SOX6: variants seen among roughly 807,000 people sequenced by gnomAD.
SOX6 encodes the protein transcription factor SOX-6.
SOX6 carries 11 observed loss-of-function variants against 97.8 expected under a neutral mutation model. The ratio of observed to expected loss-of-function variants is 0.11; its 90% confidence interval spans 0.07 to 0.19. The LOEUF is 0.19. SOX6 is among the 10% of genes least tolerant of loss of function. The pLI, the probability that SOX6 is intolerant of heterozygous loss-of-function variation, is 1.00. For synonymous variants in SOX6, 360 were observed against 371.4 expected (o/e 0.97, Z 0.35); for missense variants, 810 against 1,039.5 (o/e 0.78, Z 3.04).
chr11:16,399,266 A>G (rs1858474492), intron 1 of SOX6, among the ~76,000 whole-genome samples: 2 of 151,430 alleles, frequency 1.3e-5, no homozygotes, highest in Non-Finnish European at 3.0e-5. Flanking sequence ...CTGTAGCTAT[A>G]TAAATTGCTA....
intron 1 of SOX6, among the ~76,000 whole-genome samples, chr11:16,447,336 G>T (rs1429759057): frequency 1.3e-5 from 2 of 152,136 alleles, no homozygotes; most frequent in Non-Finnish European, 2.9e-5. Context: ...AAAAGTTTGT[G>T]CTACCACTCT....
chr11:16,629,649 G>A (rs1039059464), intron 3 of SOX6, among the ~76,000 whole-genome samples: 1 of 151,902 alleles, frequency 6.6e-6, no homozygotes, highest in Non-Finnish European at 1.5e-5. Context: ...CCATTTTTGG[G>A]GATAGTTTTA....
chr11:16,632,209 C>A (rs1848716978), intron 3 of SOX6, among the ~76,000 whole-genome samples: 1 of 152,164 alleles, frequency 6.6e-6, no homozygotes. Context: ...ACTGACACTT[C>A]TAATTTTTGT....
intron 6 of SOX6, among the ~76,000 whole-genome samples, chr11:16,173,615 T>TG (rs1425081531): frequency 1.3e-5 from 2 of 150,514 alleles, no homozygotes; most frequent in African/African-American, 4.9e-5. Flanking sequence ...AGTGTTTGTT[T>TG]TTTTTAAAGA....
At chr11:16,292,747 C>T (rs998384676) in intron 3 of SOX6, among the ~76,000 whole-genome samples, 1 of 152,184 alleles carries the variant, frequency 6.6e-6, no homozygotes, top group African/African-American at 2.4e-5. Flanking sequence ...CCGACAAGGT[C>T]ATCGCTAAGA....
At chr11:16,641,973 C>T (rs375734307) in intron 3 of SOX6, among the ~76,000 whole-genome samples, 198 of 144,034 alleles carry the variant, frequency 1.4e-3, no homozygotes, top group African/African-American at 1.8e-3. Flanking sequence ...TTATTTTGCT[C>T]GTTAGTTGAT....
chr11:16,468,914 C>T (rs1288145415), intron 1 of SOX6, among the ~76,000 whole-genome samples: 1 of 152,086 alleles, frequency 6.6e-6, no homozygotes, highest in Non-Finnish European at 1.5e-5. Flanking sequence ...GACACACCAA[C>T]TTATTTTGAA....
intron 3 of SOX6, among the ~76,000 whole-genome samples, chr11:16,675,435 G>C (rs932522038): frequency 6.6e-6 from 1 of 152,186 alleles, no homozygotes; most frequent in African/African-American, 2.4e-5. Flanking sequence ...ACAGTCATGA[G>C]CCACCACATC....
intron 1 of SOX6, among the ~76,000 whole-genome samples, chr11:16,375,575 T>G (rs1038451413): frequency 6.6e-6 from 1 of 152,040 alleles, no homozygotes; most frequent in Non-Finnish European, 1.5e-5. Context: ...CATATTTCTG[T>G]GGTGAATATT....
At chr11:16,099,749 T>C (rs1848894997) in intron 7 of SOX6, among the ~76,000 whole-genome samples, 1 of 151,412 alleles carries the variant, frequency 6.6e-6, no homozygotes, top group African/African-American at 2.4e-5. Context: ...CCAGTTAATT[T>C]ATTACTATCT....
chr11:16,360,328 C>G (rs1857178926), upstream of SOX6, among the ~76,000 whole-genome samples: 1 of 152,244 alleles, frequency 6.6e-6, no homozygotes, highest in East Asian at 1.9e-4. Flanking sequence ...GAACTCTTCC[C>G]CATCTCTACA....
intron 1 of SOX6, among the ~76,000 whole-genome samples, chr11:16,390,690 C>A (rs1473943523): frequency 6.6e-6 from 1 of 152,020 alleles, no homozygotes; most frequent in Non-Finnish European, 1.5e-5. Flanking sequence ...TGACTGGAAA[C>A]AACAGATGCT....
intron 4 of SOX6, among the ~76,000 whole-genome samples, chr11:16,547,066 C>G (rs577544096): frequency 6.6e-6 from 1 of 152,268 alleles, no homozygotes; most frequent in East Asian, 1.9e-4. Flanking sequence ...AATGAGATAT[C>G]ATCTTGCCCC....
chr11:16,027,981 G>A (rs774347615), intron 12 of SOX6, among the ~76,000 whole-genome samples: 2 of 152,226 alleles, frequency 1.3e-5, no homozygotes, highest in Non-Finnish European at 2.9e-5. Context: ...AATACTGCAA[G>A]CAGTTATAGA....
At chr11:16,104,068 T>C (rs1013588083) in intron 7 of SOX6, among the ~76,000 whole-genome samples, 2 of 151,954 alleles carry the variant, frequency 1.3e-5, no homozygotes, top group African/African-American at 4.8e-5. Context: ...ATAGCCTCCA[T>C]CTACAGAGGA....
chr11:16,442,848 A>G (rs1859531686), intron 1 of SOX6, among the ~76,000 whole-genome samples: 1 of 152,194 alleles, frequency 6.6e-6, no homozygotes, highest in Non-Finnish European at 1.5e-5. Context: ...GATTATAATA[A>G]AACAGGTAAT....
intron 2 of SOX6, among the ~76,000 whole-genome samples, chr11:16,728,093 G>A (rs568739179): frequency 6.6e-6 from 1 of 152,228 alleles, no homozygotes; most frequent in Admixed American, 6.5e-5. Context: ...CCCAGTGAGG[G>A]GCTTATAGAT....
At chr11:16,406,281 T>C (rs2133049860) in intron 1 of SOX6, among the ~76,000 whole-genome samples, 1 of 152,172 alleles carries the variant, frequency 6.6e-6, no homozygotes, top group Middle Eastern at 3.4e-3. Context: ...AAAAGGAGGA[T>C]TATTTGAGGT....
Position 16,407,541 on chromosome 11 carries a change from T to TTACC in SOX6, c.-4-66293_-4-66290dup, listed in dbSNP as rs1207984276. Among the ~76,000 whole-genome samples, 4 of 152,284 alleles carry TTACC rather than the reference T, an allele frequency of 2.6e-5. No homozygotes were observed. The East Asian group carries it at 7.7e-4, about 29-fold the overall frequency. ...GCTTTAGGGATATATCTCAAGCCAG[T>TTACC]TACCAGTCTTTCCACTCACAGACAC... On this transcript the variant is annotated intron_variant, in intron 1 of 15. Coordinates refer to the SOX6 transcript ENST00000396356.
Sources: gnomAD v4.1 joint callset for allele counts (sites outside exome capture counted in the v4.1 genomes callset) on GRCh38, gnomAD v4.1.1 for gene constraint, MANE v1.5 for transcripts, NCBI Gene and HGNC (gene_info 2026-07-23, HGNC 2026-07-21) for gene names.